SCAF11: variants seen among roughly 807,000 people sequenced by gnomAD.
SCAF11 encodes the protein protein SCAF11.
SCAF11 carries 47 observed loss-of-function variants against 140.5 expected under a neutral mutation model. The observed-to-expected ratio is 0.33, with a 90% CI of 0.26 to 0.43. The LOEUF (loss-of-function observed/expected upper bound fraction) is 0.43, where lower values mean the gene tolerates loss of function less well. SCAF11 is among the 20% of genes least tolerant of loss of function. The pLI is 1.00. For synonymous variants in SCAF11, 557 were observed against 579.4 expected, an observed-to-expected ratio of 0.96 and a Z score of 0.55; for missense variants, 1,645 against 1,705.1, an observed-to-expected ratio of 0.96 and a Z score of 0.62.
At chr12:45,979,420 GT>G (rs1425509709) in intron 1 of SCAF11, among the ~76,000 whole-genome samples, 6 of 152,076 alleles carry the variant, frequency 3.9e-5, no homozygotes, top group African/African-American at 7.2e-5. Flanking sequence ...AAGGGATGAT[GT>G]TCAAAACACT....
Position 45,934,283 on chromosome 12 carries a change from A to C in SCAF11, c.525T>G (p.Pro175=). The change falls in exon 8 of 15, where the codon CCT becomes CCG. Residue 175 remains proline (P), a splice_region_variant and synonymous_variant. Transcript: ENST00000369367. The part of the protein sequence containing the change: ...KKNAAIKINK[P]QRSNWSTNQC... ...GATTTGTACTCCAATTTGATCTCTG[A>C]GGCTAGAAAAGTAAAAAGTAGTTAG... 1.9e-6 allele frequency: 3 copies of C among 1,593,682 alleles called. No homozygotes were observed. The highest frequency in any genetic ancestry group is 2.6e-6 in the Non-Finnish European group (3 of 1,166,470).
Position 45,928,871 on chromosome 12 carries a change from T to TAAAA in SCAF11, c.842-16_842-13dup. The TAAAA allele has an allele frequency of 9.7e-7, 1 of 1,025,904 alleles. No homozygotes were observed. Among genetic ancestry groups the TAAAA allele is most frequent in the Non-Finnish European group, 1.3e-6 (1 of 781,674 alleles). 63.6% of individuals were successfully genotyped at this position (1,025,904 alleles called of 1,614,324 possible). On this transcript the variant is annotated splice_polypyrimidine_tract_variant and intron_variant, in intron 10 of 14. Transcript: ENST00000369367. ...CTTGCAAGAAGTACCTAATAATATT[T>TAAAA]AAAAAAAAAAAAAAAGTAAAAAATA...
At chr12:45,978,545 C>T (rs1946285327) in intron 1 of SCAF11, among the ~76,000 whole-genome samples, 1 of 152,188 alleles carries the variant, frequency 6.6e-6, no homozygotes. Flanking sequence ...TACAACCAAA[C>T]TTCCCAAGAA....
chr12:45,960,574 T>C (rs995305142), intron 3 of SCAF11: 4 of 152,226 alleles, frequency 2.6e-5, no homozygotes, highest in South Asian at 4.1e-4. Flanking sequence ...AAACTCAAAA[T>C]ACTTTTCCCC....
In SCAF11 at chr12:45,946,200, C is replaced by T. The variant is rs577212909; in HGVS notation, c.399-887G>A. Reference sequence around the variant, plus strand: ...GGTTCACTACCAAGAAACAAAATACCACTGCAATGCCTTCTTTGGAACTGG... The same window carrying T: ...GGTTCACTACCAAGAAACAAAATACTACTGCAATGCCTTCTTTGGAACTGG... On this transcript the variant is annotated intron_variant, in intron 5 of 14. Coordinates refer to ENST00000369367, the MANE Select transcript of SCAF11 (RefSeq NM_004719.3). Among the ~76,000 whole-genome samples the T allele has an allele frequency of 2.5e-4, 38 of 152,220 alleles. No homozygotes were observed. The South Asian group carries it at 7.0e-3, about 28-fold the overall frequency.
intron 12 of SCAF11, among the ~76,000 whole-genome samples, 185 bp from the exon 13 acceptor site, chr12:45,923,339 G>A (rs1220990436): frequency 6.6e-6 from 1 of 151,994 alleles, no homozygotes; most frequent in East Asian, 1.9e-4. Flanking sequence ...TTCTTAAACG[G>A]GGCCTTATTT....
rs146566679 is a variant in SCAF11 at position 45,940,136 on chromosome 12, G to A, written c.463+5113C>T. Among the ~76,000 whole-genome samples, 1,273 of 152,142 alleles carry A rather than the reference G, an allele frequency of 8.4e-3. 19 individuals are homozygous for A. Among genetic ancestry groups the A allele is most frequent in the African/African-American group, 0.029 (1,224 of 41,494 alleles). On this transcript the variant is annotated intron_variant, in intron 6 of 14. Transcript: ENST00000369367. ...CTGTCTAAGAAACCTCATAAGAAAT[G>A]TGAAAATTAAAAGAAAAATTAAAAA...
At chr12:45,973,653 C>A (rs773193739) in intron 1 of SCAF11, among the ~76,000 whole-genome samples, 1 of 152,070 alleles carries the variant, frequency 6.6e-6, no homozygotes, top group African/African-American at 2.4e-5. Context: ...CCGGTGATTT[C>A]TTATCAGAAA....
At chr12:45,949,306 G>A (rs12309561) in intron 4 of SCAF11, among the ~76,000 whole-genome samples, 3,205 of 152,112 alleles carry the variant, frequency 0.021, 121 homozygotes, top group African/African-American at 0.073. Context: ...TGTGCCGCAA[G>A]TATAAAATAG....
rs1181002760 is a variant in SCAF11 at position 45,967,844 on chromosome 12, T to C, written c.-21-3656A>G. Among the ~76,000 whole-genome samples, 6 of 152,348 alleles carry C rather than the reference T, an allele frequency of 3.9e-5. No homozygotes were observed. In the East Asian group the frequency reaches 9.6e-4, roughly 24 times the overall value. ...TCCTAAGTCTCAGTTCAACAACTTA[T>C]AAACTTGTAACTTGTCCTGTTTATC... is the stretch of plus-strand genomic sequence containing the variant. On this transcript the variant is annotated intron_variant, in intron 1 of 14. Coordinates refer to ENST00000369367, the MANE Select transcript of SCAF11 (RefSeq NM_004719.3).
intron 9 of SCAF11, among the ~76,000 whole-genome samples, 172 bp from the exon 10 acceptor site, chr12:45,931,784 C>T (rs1354326522): frequency 2.0e-5 from 3 of 152,082 alleles, no homozygotes; most frequent in African/African-American, 7.2e-5. Context: ...CTAAAGATAG[C>T]TACCAATTGG....
In SCAF11 at chr12:45,945,324, CAATA is replaced by C. The variant is rs753379720; in HGVS notation, c.399-15_399-12del. On this transcript the variant is annotated splice_polypyrimidine_tract_variant and intron_variant, in intron 5 of 14. Transcript: ENST00000369367. ...ACGATGGCTTTTCTTCTGTAAACAT[CAATA>C]AAGACAGGAAAGAATTAAGAAAAAA... The C allele has an allele frequency of 2.7e-6, 4 of 1,481,132 alleles. No homozygotes were observed. The highest frequency in any genetic ancestry group is 3.7e-6 in the Non-Finnish European group (4 of 1,085,312). 91.7% of individuals were successfully genotyped at this position (1,481,132 alleles called of 1,614,324 possible). A position where few individuals can be genotyped will look rare whatever the true frequency, so the allele number is the denominator to read the frequency against.
intron 4 of SCAF11, among the ~76,000 whole-genome samples, chr12:45,949,548 T>C (rs992381172): frequency 1.4e-4 from 21 of 152,050 alleles, no homozygotes; most frequent in African/African-American, 4.8e-4. Context: ...GATGAAAGAA[T>C]AGGGGTCTAC....
chr12:45,967,917 A>T (rs1019253024), intron 1 of SCAF11, among the ~76,000 whole-genome samples: 4 of 152,198 alleles, frequency 2.6e-5, no homozygotes, highest in Non-Finnish European at 5.9e-5. Flanking sequence ...ATCCACAAGT[A>T]TTTTTGAATA....
At chr12:45,924,661 ATC>A (rs1944803420) in intron 12 of SCAF11, 65 bp downstream of exon 12, 2 of 1,302,338 alleles carry the variant, frequency 1.5e-6, no homozygotes, top group Non-Finnish European at 1.1e-6. Context: ...TTTTTTGAAC[ATC>A]TGTCATGAAC....
chr12:45,931,826 G>A (rs78673141), intron 9 of SCAF11, among the ~76,000 whole-genome samples: 3,181 of 152,090 alleles, frequency 0.021, 119 homozygotes, highest in African/African-American at 0.073. Flanking sequence ...TTAAAAGTAT[G>A]TTTTTCTGAT....
intron 1 of SCAF11, among the ~76,000 whole-genome samples, chr12:45,978,197 T>C (rs537631777): frequency 2.4e-4 from 37 of 152,328 alleles, no homozygotes; most frequent in African/African-American, 8.4e-4. Flanking sequence ...TGTCCTTTGA[T>C]AACTTCAATA....
intron 1 of SCAF11, among the ~76,000 whole-genome samples, chr12:45,969,273 A>T (rs1331551297): frequency 1.3e-5 from 2 of 152,184 alleles, no homozygotes; most frequent in African/African-American, 4.8e-5. Flanking sequence ...CAGGGTTCCT[A>T]ATAATGTAAA....
rs761562226 is a variant in SCAF11, at chr12:45,928,517, G to C, written c.1184C>G (p.Ala395Gly). 6.2e-6 allele frequency: 10 copies of C among 1,613,904 alleles called. No individual in the cohort carries two copies. Among genetic ancestry groups the C allele is most frequent in the Non-Finnish European group, 8.5e-6 (10 of 1,179,938 alleles). Residue 395 changes from alanine to glycine, a missense_variant, in exon 11 of 15, where the codon GCT becomes GGT. Physicochemically the swap from Ala to Gly is moderately conservative, Grantham distance 60. Coordinates refer to ENST00000369367, the MANE Select transcript of SCAF11 (RefSeq NM_004719.3). ...ATTGGAAGATGATTTTTCAGGGGCA[G>C]CTACAGAGCTCCGAAGTTTCTTTTT... ...LLKKKLRSSV[A>G]APEKSSSNDS...
Sources: allele counts gnomAD v4.1 joint callset (sites outside exome capture counted in the v4.1 genomes callset), GRCh38; gene constraint gnomAD v4.1.1; transcripts MANE v1.5; gene names NCBI Gene and HGNC (gene_info 2026-07-23, HGNC 2026-07-21).